The following SIL1 variants were observed in gnomAD, a reference collection of about 807,000 sequenced individuals.
SIL1 encodes nucleotide exchange factor SIL1.
Under a neutral mutation model 49.1 loss-of-function variants are expected in SIL1, and 40 were observed. The observed-to-expected ratio is 0.81, with a 90% confidence interval of 0.63 to 1.06. The LOEUF is 1.06. Among genes scored for constraint, SIL1 ranks in the 50% least tolerant of loss-of-function variants. SIL1 has a pLI of 0.00. For synonymous variants in SIL1, 253 were observed against 250.8 expected, an observed-to-expected ratio of 1.01 and a Z score of -0.08; for missense variants, 500 against 572.6, an observed-to-expected ratio of 0.87 and a Z score of 1.29.
chr5:139,174,953 A>T (rs1235262024), intron 1 of SIL1, among the ~76,000 whole-genome samples: 3 of 151,128 alleles, frequency 2.0e-5, no homozygotes. Flanking sequence ...AAAAAAAAAA[A>T]AAAAAAAGAA....
intron 7 of SIL1, among the ~76,000 whole-genome samples, chr5:138,961,357 C>G (rs1767016448): frequency 6.6e-6 from 1 of 152,234 alleles, no homozygotes; most frequent in South Asian, 2.1e-4. Flanking sequence ...TTGTACACTC[C>G]TGGTCTCAAG....
At chr5:139,117,969 TC>T (rs1437462440) in intron 3 of SIL1, among the ~76,000 whole-genome samples, 1 of 151,964 alleles carries the variant, frequency 6.6e-6, no homozygotes, top group Non-Finnish European at 1.5e-5. Context: ...GAAACCTAGT[TC>T]CCCTCTTGGG....
chr5:138,975,382 C>T (rs1767373226), intron 7 of SIL1, among the ~76,000 whole-genome samples: 1 of 152,184 alleles, frequency 6.6e-6, no homozygotes, highest in African/African-American at 2.4e-5. Context: ...CTGGGCAGCT[C>T]AGCACCGTGA....
At chr5:139,021,412 G>A (rs1768525121) in intron 6 of SIL1, 120 bp from the exon 7 acceptor site, 1 of 1,447,362 alleles carries the variant, frequency 6.9e-7, no homozygotes, top group East Asian at 2.5e-5. Context: ...AATCAATAAT[G>A]GCCTTTTTGA....
Position 139,198,355 on chromosome 5 carries a change from G to A in SIL1, c.-97C>T, listed in dbSNP as rs1400201881. On this transcript the variant is annotated 5_prime_UTR_variant, in exon 1 of 10. Coordinates refer to ENST00000394817, the MANE Select transcript of SIL1 (RefSeq NM_022464.5). Reference sequence around the variant, plus strand: ...CGACCAGCTCCCCCTGCGCAAACGCGGCGGCGACCGTCTGAGCCGGTGAGC... The same window carrying A: ...CGACCAGCTCCCCCTGCGCAAACGCAGCGGCGACCGTCTGAGCCGGTGAGC... 1 of 152,184 alleles carries A rather than the reference G, an allele frequency of 6.6e-6. No individual in the cohort carries two copies. Among genetic ancestry groups the A allele is most frequent in the East Asian group, 1.9e-4 (1 of 5,186 alleles). 9.4% of individuals were successfully genotyped at this position (152,184 alleles called of 1,614,324 possible).
chr5:138,996,622 C>G (rs1294670105), intron 7 of SIL1, among the ~76,000 whole-genome samples: 2 of 148,782 alleles, frequency 1.3e-5, no homozygotes, highest in Admixed American at 1.4e-4. Context: ...TGGGTTCAAG[C>G]AATTCTTCTG....
chr5:138,979,292 T>C (rs1050119801), intron 7 of SIL1, among the ~76,000 whole-genome samples: 1 of 152,188 alleles, frequency 6.6e-6, no homozygotes, highest in Non-Finnish European at 1.5e-5. Flanking sequence ...CTCGATCTCC[T>C]GACCTCATGA....
intron 1 of SIL1, among the ~76,000 whole-genome samples, chr5:139,128,215 C>G (rs1380320496): frequency 6.6e-6 from 1 of 152,112 alleles, no homozygotes; most frequent in Non-Finnish European, 1.5e-5. Flanking sequence ...AACATGGGCA[C>G]AAATCCACAT....
Position 139,026,909 on chromosome 5 carries a change from C to G in SIL1, c.537G>C (p.Glu179Asp), listed in dbSNP as rs1166001558. ...GCCGTACCATGATCTGCATGTCAGTCTCAATGACAACATTCAGCTCATCAA... is the reference window on the plus strand; with the variant it reads ...GCCGTACCATGATCTGCATGTCAGTGTCAATGACAACATTCAGCTCATCAA... ...KDFDELNVVI[E>D]TDMQIMVRLI... The change falls in exon 6 of 10, where the codon GAG (glutamate) becomes GAC (aspartate). Residue 179 changes from glutamate (E) to aspartate (D), a missense_variant. By Grantham distance (45) the Glu-to-Asp change is conservative. Coordinates refer to ENST00000394817, the MANE Select transcript of SIL1 (RefSeq NM_022464.5). 1 of 1,614,192 alleles carries G rather than the reference C, an allele frequency of 6.2e-7. No individual in the cohort carries two copies.
At chr5:139,011,336 G>A (rs957832306) in intron 7 of SIL1, among the ~76,000 whole-genome samples, 27 of 123,486 alleles carry the variant, frequency 2.2e-4, no homozygotes, top group Admixed American at 1.4e-3. Context: ...CACCGTGCGC[G>A]CACCCACTGG....
intron 3 of SIL1, 90 bp downstream of exon 3, chr5:139,120,945 G>A: frequency 6.6e-7 from 1 of 1,523,968 alleles, no homozygotes; most frequent in South Asian, 1.2e-5. Context: ...CCAGAGAAGA[G>A]CAGCCTGAAG....
chr5:139,055,511 T>C (rs1352787505), intron 3 of SIL1, among the ~76,000 whole-genome samples: 3 of 152,022 alleles, frequency 2.0e-5, no homozygotes, highest in South Asian at 2.1e-4. Context: ...TGCTAGCAAA[T>C]GGGCCGCAAA....
intron 4 of SIL1, among the ~76,000 whole-genome samples, chr5:139,044,008 G>C (rs749017625): frequency 6.6e-6 from 1 of 152,144 alleles, no homozygotes; most frequent in African/African-American, 2.4e-5. Flanking sequence ...GCAGGCCTCA[G>C]CTCTCATGTA....
chr5:138,946,788 C>T lies in SIL1; in HGVS notation c.*329G>A, dbSNP rs1334967652. ...AGGAAACAAGCTCAGAGCAATTAAG[C>T]GACTTCCCAAGGTACAGAGCTGCTG... On this transcript the variant is annotated 3_prime_UTR_variant, in exon 10 of 10. Transcript: ENST00000394817. The T allele has an allele frequency of 1.3e-5, 5 of 371,884 alleles. No individual in the cohort carries two copies. Among genetic ancestry groups the T allele is most frequent in the South Asian group, 3.1e-5 (1 of 32,704 alleles). 23.0% of individuals were successfully genotyped at this position (371,884 alleles called of 1,614,324 possible).
intron 3 of SIL1, among the ~76,000 whole-genome samples, chr5:139,072,801 C>G (rs1769863284): frequency 6.6e-6 from 1 of 152,130 alleles, no homozygotes; most frequent in African/African-American, 2.4e-5. Flanking sequence ...AAAATACTTG[C>G]AAACTGTACA....
chr5:139,016,636 C>T (rs1040262407), intron 7 of SIL1, among the ~76,000 whole-genome samples: 1 of 152,118 alleles, frequency 6.6e-6, no homozygotes, highest in African/African-American at 2.4e-5. Context: ...ACTATAATGA[C>T]ATGGCAGCCA....
intron 7 of SIL1, among the ~76,000 whole-genome samples, chr5:139,016,033 G>A (rs904420780): frequency 6.6e-6 from 1 of 152,202 alleles, no homozygotes; most frequent in African/African-American, 2.4e-5. Flanking sequence ...GCTGTAGTAT[G>A]CTATGATCAC....
At chr5:139,168,969 A>C (rs1312228444) in intron 1 of SIL1, among the ~76,000 whole-genome samples, 1 of 152,040 alleles carries the variant, frequency 6.6e-6, no homozygotes, top group Admixed American at 6.5e-5. Flanking sequence ...AAAAAAAAAA[A>C]AAAAACTGAA....
At chr5:139,190,692 T>C (rs1443555224) in intron 1 of SIL1, among the ~76,000 whole-genome samples, 3 of 152,144 alleles carry the variant, frequency 2.0e-5, no homozygotes, top group African/African-American at 7.2e-5. Flanking sequence ...ACCTATCAAA[T>C]GCAAAATGGA....
Sources: gnomAD v4.1 joint callset for allele counts (sites outside exome capture counted in the v4.1 genomes callset) on GRCh38, gnomAD v4.1.1 for gene constraint, MANE v1.5 for transcripts, NCBI Gene and HGNC (gene_info 2026-07-23, HGNC 2026-07-21) for gene names.